The following SLC9A9 variants were observed in gnomAD, a reference collection of about 807,000 sequenced individuals.
SLC9A9 encodes solute carrier family 9 member A9, also known as sodium/hydrogen exchanger 9.
SLC9A9 carries 62 observed loss-of-function variants against 77.8 expected under a neutral mutation model. The ratio of observed to expected loss-of-function variants is 0.80; its 90% CI spans 0.65 to 0.98. SLC9A9 has a LOEUF of 0.98. SLC9A9 is among the 50% of genes least tolerant of loss of function. The probability of loss-of-function intolerance (pLI) is 0.00; values close to 1 mark genes in which losing one functional copy is unlikely to be tolerated. For missense variants in SLC9A9, 775 were observed against 774.9 expected, an observed-to-expected ratio of 1.00 and a Z score of 0.00; for synonymous variants, 320 against 283.5, an observed-to-expected ratio of 1.13 and a Z score of -1.29.
chr3:143,288,143 T>C (rs1025531225), intron 14 of SLC9A9, among the ~76,000 whole-genome samples: 3 of 152,090 alleles, frequency 2.0e-5, no homozygotes, highest in East Asian at 1.9e-4. Flanking sequence ...AAAGAGCTTA[T>C]GGAAAATAGC....
At chr3:143,502,251 G>A (rs547673633) in intron 9 of SLC9A9, among the ~76,000 whole-genome samples, 4 of 150,926 alleles carry the variant, frequency 2.7e-5, no homozygotes, top group East Asian at 1.9e-4. Flanking sequence ...TGCTTAGCAG[G>A]GCTTTTGTTC....
intron 6 of SLC9A9, among the ~76,000 whole-genome samples, chr3:143,587,756 C>T (rs1409063980): frequency 5.9e-5 from 9 of 152,338 alleles, no homozygotes; most frequent in East Asian, 1.9e-4. Flanking sequence ...ACAACATGAT[C>T]CCATGACACT....
intron 5 of SLC9A9, among the ~76,000 whole-genome samples, chr3:143,669,827 T>C (rs113533511): frequency 4.5e-4 from 69 of 152,352 alleles, no homozygotes; most frequent in African/African-American, 1.5e-3. Flanking sequence ...TAATCCCTTC[T>C]TCAGGTTTTT....
intron 13 of SLC9A9, among the ~76,000 whole-genome samples, chr3:143,375,778 TTTGC>T (rs1277860755): frequency 6.6e-6 from 1 of 152,198 alleles, no homozygotes; most frequent in Non-Finnish European, 1.5e-5. Flanking sequence ...CCTCTGAGAT[TTTGC>T]TTGTTATGCA....
intron 12 of SLC9A9, among the ~76,000 whole-genome samples, chr3:143,420,683 A>T (rs918322161): frequency 6.6e-6 from 1 of 152,208 alleles, no homozygotes; most frequent in Non-Finnish European, 1.5e-5. Flanking sequence ...TCTATGAGGC[A>T]TTGTGCCAAG....
At chr3:143,422,403 GAAT>G (rs2034316328) in intron 12 of SLC9A9, among the ~76,000 whole-genome samples, 2 of 152,192 alleles carry the variant, frequency 1.3e-5, no homozygotes, top group South Asian at 2.1e-4. Context: ...ATACACTATA[GAAT>G]ATTATGCAGC....
rs569475838 is a variant in SLC9A9 at position 143,801,851 on chromosome 3, C to A, written c.379-4948G>T. On this transcript the variant is annotated intron_variant, in intron 2 of 15. Coordinates refer to ENST00000316549, the MANE Select transcript of SLC9A9 (RefSeq NM_173653.4). ...ATGCTGACTCTAAATATGCCTTCCA[C>A]ATCCTGCACCACCATGCTGTTATAT... Among the ~76,000 whole-genome samples the A allele has an allele frequency of 1.2e-4, 19 of 152,310 alleles. No homozygotes were observed. The South Asian group carries it at 1.9e-3, about 15-fold the overall frequency.
At chr3:143,296,101 A>C (rs2030256743) in intron 14 of SLC9A9, among the ~76,000 whole-genome samples, 1 of 152,198 alleles carries the variant, frequency 6.6e-6, no homozygotes, top group African/African-American at 2.4e-5. Flanking sequence ...CCTCTTCACA[A>C]ATCTTAAGTG....
chr3:143,722,654 T>C (rs1269406109), intron 4 of SLC9A9, among the ~76,000 whole-genome samples: 1 of 152,036 alleles, frequency 6.6e-6, no homozygotes, highest in Non-Finnish European at 1.5e-5. Context: ...CTTTTCCTGT[T>C]GTTTTCCCTT....
chr3:143,689,386 A>C (rs1248842327), intron 5 of SLC9A9, among the ~76,000 whole-genome samples: 1 of 152,074 alleles, frequency 6.6e-6, no homozygotes, highest in Non-Finnish European at 1.5e-5. Context: ...TACTAAAGAT[A>C]ATTAGAAAGA....
chr3:143,558,373 G>A (rs2037024595), intron 8 of SLC9A9, among the ~76,000 whole-genome samples: 1 of 152,104 alleles, frequency 6.6e-6, no homozygotes, highest in African/African-American at 2.4e-5. Context: ...CCCCAGAATT[G>A]TAGATCCACT....
intron 4 of SLC9A9, among the ~76,000 whole-genome samples, chr3:143,707,205 C>T (rs1053943519): frequency 4.6e-5 from 7 of 152,080 alleles, no homozygotes; most frequent in African/African-American, 1.4e-4. Context: ...TCCTGTAGTT[C>T]TCAGGACACT....
chr3:143,542,938 G>A (rs1225716123), intron 9 of SLC9A9, among the ~76,000 whole-genome samples: 2 of 152,214 alleles, frequency 1.3e-5, no homozygotes, highest in African/African-American at 4.8e-5. Flanking sequence ...AAATTTAGAT[G>A]TTACATATGT....
intron 9 of SLC9A9, among the ~76,000 whole-genome samples, chr3:143,526,021 C>T (rs1361500163): frequency 2.0e-5 from 3 of 152,154 alleles, no homozygotes; most frequent in Non-Finnish European, 2.9e-5. Flanking sequence ...GTCCTTGAGT[C>T]TTATTACTCT....
At chr3:143,622,669 T>C (rs1271247359) in intron 6 of SLC9A9, among the ~76,000 whole-genome samples, 2 of 152,134 alleles carry the variant, frequency 1.3e-5, no homozygotes, top group African/African-American at 4.8e-5. Flanking sequence ...ACATGCCAAA[T>C]TGTAAAGACC....
At chr3:143,673,806 T>C (rs2039194760) in intron 5 of SLC9A9, among the ~76,000 whole-genome samples, 2 of 152,076 alleles carry the variant, frequency 1.3e-5, no homozygotes, top group South Asian at 2.1e-4. Context: ...TTTAAGTGTA[T>C]AGTAGCTATT....
chr3:143,551,904 C>G (rs1424181541), intron 9 of SLC9A9, among the ~76,000 whole-genome samples: 1 of 152,172 alleles, frequency 6.6e-6, no homozygotes, highest in African/African-American at 2.4e-5. Flanking sequence ...CAGATGTGTT[C>G]TTGGCATAAG....
chr3:143,603,599 G>C (rs1007949745), intron 6 of SLC9A9, among the ~76,000 whole-genome samples: 3 of 152,162 alleles, frequency 2.0e-5, no homozygotes, highest in African/African-American at 4.8e-5. Context: ...TGGATCCTTT[G>C]GTCCTGGTCA....
chr3:143,606,430 CTCTCTCTATA>C lies in SLC9A9; in HGVS notation c.756-27717_756-27708del, dbSNP rs1391025064. Among the ~76,000 whole-genome samples, 233 of 63,336 alleles carry C rather than the reference CTCTCTCTATA, an allele frequency of 3.7e-3. 2 individuals are homozygous for C. The highest frequency in any genetic ancestry group is 5.2e-3 in the Non-Finnish European group (169 of 32,764). The allele number at this position is 63,336 out of a possible 152,430, so 41.6% of individuals were successfully genotyped here. A position where few individuals can be genotyped will look rare whatever the true frequency, so the allele number is the denominator to read the frequency against. On this transcript the variant is annotated intron_variant, in intron 6 of 15. Coordinates refer to ENST00000316549, the MANE Select transcript of SLC9A9 (RefSeq NM_173653.4). ...TCTCTCTCTCTCTCTCTCTCTCTCT[CTCTCTCTATA>C]TATATATATATATATATATATGTAT...
Sources: gnomAD v4.1 joint callset for allele counts (sites outside exome capture counted in the v4.1 genomes callset) on GRCh38, gnomAD v4.1.1 for gene constraint, MANE v1.5 for transcripts, NCBI Gene and HGNC (gene_info 2026-07-23, HGNC 2026-07-21) for gene names.